OR7D4: variants seen among roughly 807,000 people sequenced by gnomAD.
OR7D4 encodes the protein olfactory receptor family 7 subfamily D member 4, also known as olfactory receptor 7D4.
For synonymous variants in OR7D4, 154 were observed against 158.4 expected, an observed-to-expected ratio of 0.97 and a Z score of 0.21; for missense variants, 319 against 377.1, an observed-to-expected ratio of 0.85 and a Z score of 1.27.
In OR7D4 at chr19:9,219,572, G is replaced by A. The variant is rs935207692; in HGVS notation, c.-386C>T. On this transcript the variant is annotated 5_prime_UTR_variant, in exon 1 of 2. Transcript: ENST00000641669. ...ATCACTGAAGTTTTCTCTTCTACAC[G>A]ATCTGTTCCTAGGAAGCCGTACTGG... 5.9e-5 allele frequency: 9 copies of A among 152,062 alleles called. No individual in the cohort carries two copies. Among genetic ancestry groups the A allele is most frequent in the African/African-American group, 2.2e-4 (9 of 41,406 alleles). 9.4% of individuals were successfully genotyped at this position (152,062 alleles called of 1,614,324 possible).
chr19:9,218,051 T>C (rs1455033494), intron 1 of OR7D4, among the ~76,000 whole-genome samples: 1 of 152,214 alleles, frequency 6.6e-6, no homozygotes, highest in Non-Finnish European at 1.5e-5. Flanking sequence ...CCTTTCACAT[T>C]GGTCAACTTA....
Position 9,211,271 on chromosome 19 carries a change from C to T in OR7D4, c.*2628G>A, listed in dbSNP as rs1372702675. ...GAGTGAGCTTCACAGCAGATCCTCT[C>T]CAGTCAGTCCACGAGATGACTGCAA... On this transcript the variant is annotated 3_prime_UTR_variant, in exon 2 of 2. Transcript: ENST00000641669. 6.6e-6 allele frequency: 1 copy of T among 152,280 alleles called. No individual in the cohort carries two copies. 9.4% of individuals were successfully genotyped at this position (152,280 alleles called of 1,614,324 possible).
rs776535124 is a variant in OR7D4, at chr19:9,211,048, C to G, written c.*2851G>C. 1 of 152,270 alleles carries G rather than the reference C, an allele frequency of 6.6e-6. No homozygotes were observed. Among genetic ancestry groups the G allele is most frequent in the Non-Finnish European group, 1.5e-5 (1 of 68,080 alleles). The allele number at this position is 152,270 out of a possible 1,614,324, so 9.4% of individuals were successfully genotyped here. Reference sequence around the variant, plus strand: ...TCTACCGGAAGGCAGAGGGAAATCTCCATGGTCTTGGGTGCTTAGAGACCC... The same window carrying G: ...TCTACCGGAAGGCAGAGGGAAATCTGCATGGTCTTGGGTGCTTAGAGACCC... On this transcript the variant is annotated 3_prime_UTR_variant, in exon 2 of 2. Transcript: ENST00000641669.
chr19:9,214,949 CCCTT>C, intron 1 of OR7D4, 99 bp from the exon 2 acceptor site: 1 of 642,262 alleles, frequency 1.6e-6, no homozygotes, highest in Non-Finnish European at 2.7e-6. Flanking sequence ...ACATTTGTCA[CCCTT>C]CCTGGAGTCC....
In OR7D4 at chr19:9,213,784, A is replaced by G. The variant is rs1295402112; in HGVS notation, c.*115T>C. On this transcript the variant is annotated 3_prime_UTR_variant, in exon 2 of 2. Transcript: ENST00000641669. The stretch of plus-strand genomic sequence containing the variant: ...AACAAACAACCCAATAACAACAACC[A>G]AAAATCCCACATCAAGCACATTTTT... The G allele has an allele frequency of 2.7e-6, 2 of 744,948 alleles. No individual in the cohort carries two copies. Among genetic ancestry groups the G allele is most frequent in the East Asian group, 5.2e-5 (2 of 38,426 alleles). 46.1% of individuals were successfully genotyped at this position (744,948 alleles called of 1,614,324 possible).
Position 9,214,306 on chromosome 19 carries a change from A to C in OR7D4, c.532T>G (p.Phe178Val). The part of the protein sequence containing the change: ...FSTGTEIPHF[F>V]CEPAQVLKVA... ...TTGAGGACCTGAGCCGGTTCACAGA[A>C]GAAATGCGGAATCTCAGTGCCTGTG... Residue 178 changes from phenylalanine to valine, a missense_variant, in exon 2 of 2, where the codon TTC (phenylalanine) becomes GTC (valine). By Grantham distance (50) the Phe-to-Val change is conservative. Transcript: ENST00000641669. 6.2e-7 allele frequency: 1 copy of C among 1,614,174 alleles called. No homozygotes were observed. Among genetic ancestry groups the C allele is most frequent in the Non-Finnish European group, 8.5e-7 (1 of 1,180,040 alleles).
In OR7D4 at chr19:9,213,814, A is replaced by T; in HGVS notation, c.*85T>A. ...TCCCACATCAAGCACATTTTTTAAA[A>T]GAGAAAAAGAGCCGGATATTTAAAC... On this transcript the variant is annotated 3_prime_UTR_variant, in exon 2 of 2. Coordinates refer to ENST00000641669, the MANE Select transcript of OR7D4 (RefSeq NM_001005191.3). 1.0e-6 allele frequency: 1 copy of T among 957,846 alleles called. No individual in the cohort carries two copies. The highest frequency in any genetic ancestry group is 1.6e-6 in the Non-Finnish European group (1 of 627,518). 59.3% of individuals were successfully genotyped at this position (957,846 alleles called of 1,614,324 possible). A position where few individuals can be genotyped will look rare whatever the true frequency, so the allele number is the denominator to read the frequency against.
At chr19:9,218,379 G>A (rs928581356) in intron 1 of OR7D4, among the ~76,000 whole-genome samples, 1 of 152,054 alleles carries the variant, frequency 6.6e-6, no homozygotes, top group African/African-American at 2.4e-5. Flanking sequence ...CACAAAAACA[G>A]GTCAGTAAAG....
intron 1 of OR7D4, among the ~76,000 whole-genome samples, chr19:9,217,514 A>G (rs2051223551): frequency 6.6e-6 from 1 of 152,096 alleles, no homozygotes; most frequent in African/African-American, 2.4e-5. Flanking sequence ...ATTTGGGCTG[A>G]GAGAGGAAGA....
intron 1 of OR7D4, among the ~76,000 whole-genome samples, chr19:9,216,920 A>G (rs919275199): frequency 1.3e-5 from 2 of 152,156 alleles, no homozygotes; most frequent in African/African-American, 4.8e-5. Context: ...ATTACAATAA[A>G]TCTGTCTTTC....
chr19:9,218,769 C>T (rs1458884161), intron 1 of OR7D4, among the ~76,000 whole-genome samples: 3 of 152,026 alleles, frequency 2.0e-5, no homozygotes, highest in Non-Finnish European at 4.4e-5. Context: ...ACTGGGATTG[C>T]AGGTGTAAGC....
chr19:9,212,643 A>G lies in OR7D4; in HGVS notation c.*1256T>C, dbSNP rs1242457677. On this transcript the variant is annotated 3_prime_UTR_variant, in exon 2 of 2. Transcript: ENST00000641669. ...AGGGCTTGTATTTCAAAGGGATAGC[A>G]TGTCAGACTCATTCTGGCCAGTATA... The G allele has an allele frequency of 1.3e-5, 2 of 152,204 alleles. No homozygotes were observed. The highest frequency in any genetic ancestry group is 2.9e-5 in the Non-Finnish European group (2 of 68,050). 9.4% of individuals were successfully genotyped at this position (152,204 alleles called of 1,614,324 possible).
chr19:9,213,864 G>A lies in OR7D4; in HGVS notation c.*35C>T, dbSNP rs747716273. 9 of 1,446,978 alleles carry A rather than the reference G, an allele frequency of 6.2e-6. No individual in the cohort carries two copies. The highest frequency in any genetic ancestry group is 1.8e-4 in the Middle Eastern group (1 of 5,680). 89.6% of individuals were successfully genotyped at this position (1,446,978 alleles called of 1,614,324 possible). ...CCCACAACATTTGCCTTAGGGGTAC[G>A]CAGTGTGTCCTCTTAGTTCTGAGGC... On this transcript the variant is annotated 3_prime_UTR_variant, in exon 2 of 2. Transcript: ENST00000641669.
chr19:9,215,410 A>G (rs1027966726), intron 1 of OR7D4, among the ~76,000 whole-genome samples: 2 of 148,928 alleles, frequency 1.3e-5, no homozygotes, highest in African/African-American at 4.9e-5. Flanking sequence ...CCCCATTTGT[A>G]TCTATGAACT....
chr19:9,215,528 T>G (rs147395797), intron 1 of OR7D4, among the ~76,000 whole-genome samples: 12 of 152,238 alleles, frequency 7.9e-5, no homozygotes, highest in African/African-American at 2.9e-4. Flanking sequence ...TGTACAATAG[T>G]TATTAAGTTG....
chr19:9,216,526 C>G (rs1248831101), intron 1 of OR7D4, among the ~76,000 whole-genome samples: 1 of 152,168 alleles, frequency 6.6e-6, no homozygotes, highest in African/African-American at 2.4e-5. Context: ...ATGAGATTAT[C>G]CATGTCATTT....
At chr19:9,214,904 G>A (rs1438450814) in intron 1 of OR7D4, 54 bp from the exon 2 acceptor site, 7 of 893,920 alleles carry the variant, frequency 7.8e-6, no homozygotes, top group Non-Finnish European at 1.2e-5. Context: ...TGGCAGCTCA[G>A]CTTGTCATCA....
At position 9,214,427 on chromosome 19, in the gene OR7D4, G is replaced by A; in HGVS notation, c.411C>T (p.Asn137=). The part of the protein sequence containing the change: ...CHPLHYTVIM[N]PCLCGLLVLA... ...GAACCAGGAGGCCACAGAGGCAGGG[G>A]TTCATGATGACCGTGTAGTGCAGTG... Residue 137 remains asparagine, a synonymous_variant, in exon 2 of 2, where the codon AAC becomes AAT. Coordinates refer to ENST00000641669, the MANE Select transcript of OR7D4 (RefSeq NM_001005191.3). 1 of 1,614,164 alleles carries A rather than the reference G, an allele frequency of 6.2e-7. No individual in the cohort carries two copies. The highest frequency in any genetic ancestry group is 8.5e-7 in the Non-Finnish European group (1 of 1,180,048).
At chr19:9,217,193 G>C (rs2051220873) in intron 1 of OR7D4, among the ~76,000 whole-genome samples, 1 of 152,210 alleles carries the variant, frequency 6.6e-6, no homozygotes, top group Non-Finnish European at 1.5e-5. Flanking sequence ...GACAAGGCCT[G>C]AGAGAATGTG....
Sources: gnomAD v4.1 joint callset for allele counts (sites outside exome capture counted in the v4.1 genomes callset) on GRCh38, gnomAD v4.1.1 for gene constraint, MANE v1.5 for transcripts, NCBI Gene and HGNC (gene_info 2026-07-23, HGNC 2026-07-21) for gene names.